Variants in C7orf33 observed in about 807,000 individuals in gnomAD.
The protein encoded by C7orf33 is chromosome 7 open reading frame 33.
A neutral mutation model predicts 13.4 loss-of-function variants in C7orf33; 15 were observed. The ratio of observed to expected loss-of-function variants is 1.12; its 90% CI spans 0.75 to 1.72. The LOEUF is 1.72. Among genes scored for constraint, C7orf33 ranks in the 40% most tolerant of loss-of-function variants. C7orf33 has a pLI of 0.00. For synonymous variants in C7orf33, 73 were observed against 83.2 expected (o/e 0.88, Z 0.67); for missense variants, 187 against 220.3 (o/e 0.85, Z 0.96).
intron 1 of C7orf33, among the ~76,000 whole-genome samples, chr7:148,600,788 T>A (rs912187927): frequency 5.3e-5 from 8 of 151,256 alleles, no homozygotes; most frequent in Non-Finnish European, 8.8e-5. Context: ...CTTTCTCCAT[T>A]TTATGGACTT....
At chr7:148,604,143 T>G (rs1796447346) in intron 1 of C7orf33, among the ~76,000 whole-genome samples, 1 of 151,876 alleles carries the variant, frequency 6.6e-6, no homozygotes, top group Non-Finnish European at 1.5e-5. Flanking sequence ...TTTCCTTTTT[T>G]CGAGATTGAG....
At chr7:148,608,890 A>C (rs1796506067) in intron 1 of C7orf33, among the ~76,000 whole-genome samples, 1 of 152,158 alleles carries the variant, frequency 6.6e-6, no homozygotes. Context: ...TGCTGTAAAA[A>C]CAGTCCTATT....
At chr7:148,608,017 C>T (rs867931943) in intron 1 of C7orf33, among the ~76,000 whole-genome samples, 48 of 152,118 alleles carry the variant, frequency 3.2e-4, no homozygotes, top group African/African-American at 1.2e-3. Context: ...CTCTCAAACG[C>T]CAATTAAAGG....
chr7:148,605,539 C>T (rs1351266866), intron 1 of C7orf33, among the ~76,000 whole-genome samples: 2 of 152,222 alleles, frequency 1.3e-5, no homozygotes, highest in Non-Finnish European at 2.9e-5. Flanking sequence ...AATGCTTCTT[C>T]ACCCCGGCAG....
chr7:148,606,828 C>T (rs1796477371), intron 1 of C7orf33, among the ~76,000 whole-genome samples: 1 of 152,004 alleles, frequency 6.6e-6, no homozygotes, highest in Non-Finnish European at 1.5e-5. Flanking sequence ...CTCAGGTGAT[C>T]CACCCACGTT....
intron 1 of C7orf33, among the ~76,000 whole-genome samples, chr7:148,592,741 C>T (rs1796284734): frequency 6.6e-6 from 1 of 152,144 alleles, no homozygotes; most frequent in Non-Finnish European, 1.5e-5. Context: ...TCTCAAACTC[C>T]TGATCTCAGG....
intron 1 of C7orf33, among the ~76,000 whole-genome samples, chr7:148,598,753 TATATATATATAGAGAGAGAG>T (rs1375896300): frequency 1.1e-3 from 71 of 62,512 alleles, no homozygotes; most frequent in African/African-American, 2.7e-3. Flanking sequence ...TATATATATA[TATATATATATAGAGAGAGAG>T]AGAGAGAGAG....
At chr7:148,612,221 A>G (rs1796551932) in intron 1 of C7orf33, among the ~76,000 whole-genome samples, 1 of 151,690 alleles carries the variant, frequency 6.6e-6, no homozygotes. Flanking sequence ...TTTAATTTCC[A>G]TTGCTGTTTT....
At position 148,604,120 on chromosome 7, in the gene C7orf33, CT is replaced by C. The variant is rs397686514; in HGVS notation, c.205-9907del. ...CTGGATGGAATTAGGGACCATTATT[CT>C]TTTTTTTTTTTTTTCCTTTTTTCGA... On this transcript the variant is annotated intron_variant, in intron 1 of 2. Coordinates refer to ENST00000307003, the MANE Select transcript of C7orf33 (RefSeq NM_145304.4). Among the ~76,000 whole-genome samples the C allele has an allele frequency of 6.6e-3, 932 of 141,496 alleles. 5 individuals carry two copies. Among genetic ancestry groups the C allele is most frequent in the South Asian group, 0.027 (120 of 4,458 alleles). 92.8% of individuals were successfully genotyped at this position (141,496 alleles called of 152,430 possible).
Position 148,591,055 on chromosome 7 carries a change from G to T in C7orf33, c.130G>T (p.Ala44Ser). Residue 44 changes from alanine to serine, a missense_variant, in exon 1 of 3, where the codon GCA (alanine) becomes TCA (serine). Physicochemically the swap from Ala to Ser is moderately conservative, Grantham distance 99. Transcript: ENST00000307003. ...GATTGACCTTCGCCTGAGTGGGAGG[G>T]CAGTCGCTGTTTGGGTCCACGTTAG... is the stretch of plus-strand genomic sequence containing the variant. ...RRIDLRLSGRAVAVWVHVRGG... is the reference protein window; with the variant it reads ...RRIDLRLSGRSVAVWVHVRGG... 6.2e-7 allele frequency: 1 copy of T among 1,614,146 alleles called. No homozygotes were observed. Among genetic ancestry groups the T allele is most frequent in the Non-Finnish European group, 8.5e-7 (1 of 1,180,022 alleles).
At chr7:148,595,279 T>A (rs1430181423) in intron 1 of C7orf33, among the ~76,000 whole-genome samples, 4 of 142,346 alleles carry the variant, frequency 2.8e-5, no homozygotes, top group South Asian at 2.1e-4. Context: ...ATATCTATAT[T>A]ATATAGATAT....
intron 1 of C7orf33, among the ~76,000 whole-genome samples, chr7:148,593,693 A>G (rs962335205): frequency 1.3e-5 from 2 of 152,212 alleles, no homozygotes; most frequent in Non-Finnish European, 2.9e-5. Context: ...CATTTAGGAA[A>G]GGCTGAGCAT....
intron 1 of C7orf33, among the ~76,000 whole-genome samples, chr7:148,601,423 G>A (rs963808324): frequency 5.9e-5 from 9 of 151,794 alleles, no homozygotes; most frequent in African/African-American, 9.7e-5. Flanking sequence ...TCGGCTCACC[G>A]CAGCCTCCAC....
At chr7:148,603,514 G>A (rs1796439696) in intron 1 of C7orf33, among the ~76,000 whole-genome samples, 1 of 152,062 alleles carries the variant, frequency 6.6e-6, no homozygotes, top group Admixed American at 6.6e-5. Flanking sequence ...TCCAAAAAAA[G>A]AGAATCAAAA....
chr7:148,606,259 T>C (rs898309638), intron 1 of C7orf33, among the ~76,000 whole-genome samples: 5 of 152,234 alleles, frequency 3.3e-5, no homozygotes, highest in Non-Finnish European at 7.3e-5. Flanking sequence ...GTACCTTCTA[T>C]GTGCTAGGCA....
intron 1 of C7orf33, among the ~76,000 whole-genome samples, chr7:148,598,796 AGAGAGAGAGAGAGAGAGAGAAT>A (rs1796380453): frequency 7.0e-6 from 1 of 141,868 alleles, no homozygotes; most frequent in Non-Finnish European, 1.5e-5. Flanking sequence ...AGAGAGAGAG[AGAGAGAGAGAGAGAGAGAGAAT>A]GAGAATATAT....
chr7:148,604,402 C>T lies in C7orf33; in HGVS notation c.205-9640C>T, dbSNP rs372910900. On this transcript the variant is annotated intron_variant, in intron 1 of 2. Coordinates refer to ENST00000307003, the MANE Select transcript of C7orf33 (RefSeq NM_145304.4). ...TCGGCCTCCCACAGTGCTGGGATTA[C>T]AGGCGTGAGCCACCACACCCGGCCT... Among the ~76,000 whole-genome samples the T allele has an allele frequency of 2.6e-5, 4 of 152,362 alleles. No individual in the cohort carries two copies. The South Asian group carries it at 8.3e-4, about 32-fold the overall frequency.
At chr7:148,599,771 C>G (rs528123358) in intron 1 of C7orf33, among the ~76,000 whole-genome samples, 231 of 152,244 alleles carry the variant, frequency 1.5e-3, no homozygotes, top group Non-Finnish European at 2.8e-3. Flanking sequence ...CCACGCCCAG[C>G]CTAGAATTCT....
At chr7:148,595,328 T>A (rs1473757813) in intron 1 of C7orf33, among the ~76,000 whole-genome samples, 2 of 139,854 alleles carry the variant, frequency 1.4e-5, no homozygotes, top group African/African-American at 2.6e-5. Flanking sequence ...TAGATATATC[T>A]ATATAATATA....
Sources: gnomAD v4.1 joint callset for allele counts (sites outside exome capture counted in the v4.1 genomes callset) on GRCh38, gnomAD v4.1.1 for gene constraint, MANE v1.5 for transcripts, NCBI Gene and HGNC (gene_info 2026-07-23, HGNC 2026-07-21) for gene names.